Variants in AKR1C8 observed in about 807,000 individuals in gnomAD.
AKR1C8 encodes aldo-keto reductase family 1 member C-like protein 1.
chr10:5,150,757 AC>A, the AKR1C8 span, among the ~76,000 whole-genome samples: 1 of 151,994 alleles, frequency 6.6e-6, no homozygotes, highest in African/African-American at 2.4e-5. Context: ...TAAAAAAAAA[AC>A]CTCTACTTCT....
chr10:5,139,505 C>T, the AKR1C8 span, among the ~76,000 whole-genome samples: 3 of 152,186 alleles, frequency 2.0e-5, no homozygotes, highest in African/African-American at 7.2e-5. Context: ...CACACCTCTA[C>T]AACCATCTGA....
At chr10:5,127,575 C>T in the AKR1C8 span, among the ~76,000 whole-genome samples, 3 of 148,848 alleles carry the variant, frequency 2.0e-5, no homozygotes, top group East Asian at 4.4e-4. Context: ...AAAAATTAGC[C>T]TGGCATGCTG....
the AKR1C8 span, among the ~76,000 whole-genome samples, chr10:5,173,884 AAT>A: frequency 6.6e-6 from 1 of 152,080 alleles, no homozygotes; most frequent in Non-Finnish European, 1.5e-5. Context: ...CAGTCAACTA[AAT>A]TACTTTCCTC....
the AKR1C8 span, among the ~76,000 whole-genome samples, chr10:5,155,979 A>G: frequency 1.3e-5 from 2 of 152,168 alleles, no homozygotes; most frequent in Non-Finnish European, 2.9e-5. Context: ...ACTGGGCTCC[A>G]CTTCTCAAAA....
the AKR1C8 span, among the ~76,000 whole-genome samples, chr10:5,140,965 A>T: frequency 1.3e-5 from 2 of 152,168 alleles, no homozygotes; most frequent in African/African-American, 4.8e-5. Context: ...AATTTGCCTC[A>T]TTGATAGACT....
At chr10:5,158,266 T>C in the AKR1C8 span, among the ~76,000 whole-genome samples, 1 of 152,214 alleles carries the variant, frequency 6.6e-6, no homozygotes, top group Non-Finnish European at 1.5e-5. Flanking sequence ...GATAACAAGT[T>C]TGTATACCAC....
the AKR1C8 span, among the ~76,000 whole-genome samples, chr10:5,169,578 G>T: frequency 6.6e-6 from 1 of 150,850 alleles, no homozygotes; most frequent in Non-Finnish European, 1.5e-5. Flanking sequence ...CGCATGTTTG[G>T]AAAGATCCAT....
the AKR1C8 span, among the ~76,000 whole-genome samples, chr10:5,182,807 G>A: frequency 1.3e-5 from 2 of 152,116 alleles, no homozygotes; most frequent in South Asian, 2.1e-4. Flanking sequence ...CTACTCAAGA[G>A]GCTGAGGTAG....
the AKR1C8 span, among the ~76,000 whole-genome samples, chr10:5,176,918 C>T: frequency 6.6e-6 from 1 of 152,152 alleles, no homozygotes; most frequent in Non-Finnish European, 1.5e-5. Flanking sequence ...ATCATGTCGT[C>T]TGCAAACAGG....
At chr10:5,171,331 C>T in the AKR1C8 span, among the ~76,000 whole-genome samples, 1 of 152,090 alleles carries the variant, frequency 6.6e-6, no homozygotes, top group Admixed American at 6.6e-5. Flanking sequence ...ATATCTGTTA[C>T]CCCTGTGGCA....
the AKR1C8 span, among the ~76,000 whole-genome samples, chr10:5,140,627 T>A: frequency 6.9e-6 from 1 of 144,856 alleles, no homozygotes; most frequent in South Asian, 2.2e-4. Context: ...GCGGGAAACA[T>A]CACACACCAG....
chr10:5,144,383 T>TAA, the AKR1C8 span, among the ~76,000 whole-genome samples: 1 of 152,172 alleles, frequency 6.6e-6, no homozygotes, highest in South Asian at 2.1e-4. Flanking sequence ...ATATGAACTT[T>TAA]AAAGTAGTTT....
At chr10:5,128,297 C>A in the AKR1C8 span, among the ~76,000 whole-genome samples, 1 of 152,086 alleles carries the variant, frequency 6.6e-6, no homozygotes, top group Non-Finnish European at 1.5e-5. Flanking sequence ...AATCTTCAAC[C>A]AAAAGACTGT....
chr10:5,117,983 CT>C, the AKR1C8 span, among the ~76,000 whole-genome samples: 1 of 152,252 alleles, frequency 6.6e-6, no homozygotes, highest in Middle Eastern at 3.4e-3. Flanking sequence ...CATTCTGCCC[CT>C]GATCCATAAC....
chr10:5,134,170 C>G, the AKR1C8 span, among the ~76,000 whole-genome samples: 1 of 152,108 alleles, frequency 6.6e-6, no homozygotes, highest in Non-Finnish European at 1.5e-5. Flanking sequence ...TCCCCTGATA[C>G]CAGCCCTGAT....
chr10:5,123,225 T>C, the AKR1C8 span: 6 of 176,540 alleles, frequency 3.4e-5, no homozygotes, highest in Non-Finnish European at 8.0e-5. Flanking sequence ...AGGAAGCACA[T>C]GTGTGAAGGA....
At chr10:5,133,542 A>T in the AKR1C8 span, among the ~76,000 whole-genome samples, 2 of 152,180 alleles carry the variant, frequency 1.3e-5, no homozygotes, top group Non-Finnish European at 2.9e-5. Flanking sequence ...CATTTTGAGA[A>T]TATAGGGGAA....
At chr10:5,165,787 C>A in the AKR1C8 span, among the ~76,000 whole-genome samples, 2 of 152,254 alleles carry the variant, frequency 1.3e-5, no homozygotes, top group East Asian at 3.9e-4. Context: ...ATTAAAGGGT[C>A]TTACCCAAAT....
At chr10:5,135,100 T>G in the AKR1C8 span, 2 of 203,010 alleles carry the variant, frequency 9.9e-6, no homozygotes, top group African/African-American at 4.7e-5. Context: ...TATTCTAGCT[T>G]TGCTCTTTTA....
Sources: allele counts gnomAD v4.1 joint callset (sites outside exome capture counted in the v4.1 genomes callset), GRCh38; gene constraint gnomAD v4.1.1; transcripts MANE v1.5; gene names NCBI Gene and HGNC (gene_info 2026-07-23, HGNC 2026-07-21).